PCDHA1: variants seen among roughly 807,000 people sequenced by gnomAD.
PCDHA1 encodes protocadherin alpha-1.
Under a neutral mutation model 61.3 loss-of-function variants are expected in PCDHA1, and 42 were observed. That is an observed-to-expected ratio of 0.69 (90% CI 0.54 to 0.89). PCDHA1 has a LOEUF of 0.89. PCDHA1 is among the 40% of genes least tolerant of loss of function. The pLI is 0.00. For missense variants in PCDHA1, 1,256 were observed against 1,235.3 expected, an observed-to-expected ratio of 1.02 and a Z score of -0.25; for synonymous variants, 610 against 553.8, an observed-to-expected ratio of 1.10 and a Z score of -1.43.
intron 1 of PCDHA1, among the ~76,000 whole-genome samples, chr5:140,846,033 A>T (rs1301242129): frequency 6.7e-6 from 1 of 149,692 alleles, no homozygotes; most frequent in East Asian, 1.9e-4. Flanking sequence ...GAGTTTAGGA[A>T]AGTCAAGTTA....
intron 3 of PCDHA1, 167 bp from the exon 4 acceptor site, chr5:141,009,460 T>C (rs1375350735): frequency 3.2e-6 from 3 of 950,276 alleles, no homozygotes; most frequent in African/African-American, 1.8e-5. Flanking sequence ...ATTAAACAAA[T>C]AAATAAATAA....
rs377328620 is a variant in PCDHA1 at position 140,928,577 on chromosome 5, A to G, written c.2395-50372A>G. On this transcript the variant is annotated intron_variant, in intron 1 of 3. Coordinates refer to ENST00000504120, the MANE Select transcript of PCDHA1 (RefSeq NM_018900.4). ...GTTATCTTGTTTCCCTTGCCCAGAA[A>G]TGGTTCTGTCCCAGTGGAAATTGTG... is the stretch of plus-strand genomic sequence containing the variant. The G allele has an allele frequency of 3.7e-6, 6 of 1,614,070 alleles. No homozygotes were observed. The African/African-American group carries it at 6.7e-5, about 18-fold the overall frequency.
chr5:140,916,559 G>C (rs1170876334), intron 1 of PCDHA1, among the ~76,000 whole-genome samples: 2 of 152,224 alleles, frequency 1.3e-5, no homozygotes, highest in African/African-American at 4.8e-5. Flanking sequence ...TATTTGTCCA[G>C]GGTGTGTCTA....
At chr5:140,934,171 A>C (rs965826085) in intron 1 of PCDHA1, among the ~76,000 whole-genome samples, 11 of 152,160 alleles carry the variant, frequency 7.2e-5, no homozygotes, top group African/African-American at 2.7e-4. Context: ...GTGCAACAGA[A>C]GTACTCTAAA....
chr5:140,808,479 G>A (rs782290463), intron 1 of PCDHA1: 5 of 1,614,186 alleles, frequency 3.1e-6, no homozygotes, highest in Non-Finnish European at 4.2e-6. Flanking sequence ...CGAGACGGGG[G>A]CTCGCCTTCG....
intron 1 of PCDHA1, chr5:140,836,159 G>A (rs2150254425): frequency 6.2e-7 from 1 of 1,613,838 alleles, no homozygotes. Context: ...ATGTGGTGGC[G>A]AAGGTACGTG....
rs148640226 is a variant in PCDHA1, at chr5:140,809,438, T to A, written c.2394+20754T>A. On this transcript the variant is annotated intron_variant, in intron 1 of 3. Transcript: ENST00000504120. ...CAGTGCGGTGGGGAGCTGGTCATAC[T>A]CGCAGCAGAGGAGGCCGAGGGTGTG... is the stretch of plus-strand genomic sequence containing the variant. 258 of 1,614,176 alleles carry A rather than the reference T, an allele frequency of 1.6e-4. 1 individual carries two copies. The African/African-American group carries it at 2.8e-3, about 17-fold the overall frequency.
In PCDHA1 at chr5:140,786,726, A is replaced by G. The variant is rs781847150; in HGVS notation, c.436A>G (p.Arg146Gly). ...REQIIFIPES[R>G]LLNSRFPIEG... Reference sequence around the variant, plus strand: ...ACAAATAATATTTATTCCTGAATCTAGACTCCTGAATTCGCGTTTTCCGAT... The same window carrying G: ...ACAAATAATATTTATTCCTGAATCTGGACTCCTGAATTCGCGTTTTCCGAT... Residue 146 changes from arginine to glycine, a missense_variant, in exon 1 of 4, where the codon AGA becomes GGA. Transcript: ENST00000504120. The G allele has an allele frequency of 1.2e-6, 2 of 1,614,230 alleles. No homozygotes were observed. The highest frequency in any genetic ancestry group is 1.1e-5 in the South Asian group (1 of 91,088).
At chr5:140,819,221 T>C (rs2150103384) in intron 1 of PCDHA1, among the ~76,000 whole-genome samples, 1 of 152,322 alleles carries the variant, frequency 6.6e-6, no homozygotes, top group East Asian at 1.9e-4. Context: ...ATACAATTGC[T>C]TCAACATTTC....
chr5:140,972,820 C>T (rs1247488574), intron 1 of PCDHA1, among the ~76,000 whole-genome samples: 1 of 151,962 alleles, frequency 6.6e-6, no homozygotes, highest in Non-Finnish European at 1.5e-5. Context: ...CGCGCCACCA[C>T]GCCTGGCTAA....
Position 140,788,670 on chromosome 5 carries a change from G to T in PCDHA1, c.2380G>T (p.Asp794Tyr), listed in dbSNP as rs1332112190. Residue 794 changes from aspartate to tyrosine, a missense_variant, in exon 1 of 4, where the codon GAT becomes TAT. Transcript: ENST00000504120. ...AAATGAACAACCAGAAGCAAATTTG[G>T]ATCTTTCTGGTAATGTAAGTCCAAC... ...ERNEQPEANL[D>Y]LSGNPRQPNP... 1.3e-6 allele frequency: 2 copies of T among 1,566,214 alleles called. No homozygotes were observed. Among genetic ancestry groups the T allele is most frequent in the East Asian group, 4.5e-5 (2 of 44,246 alleles).
chr5:140,829,141 A>T, intron 1 of PCDHA1: 1 of 1,613,462 alleles, frequency 6.2e-7, no homozygotes, highest in Non-Finnish European at 8.5e-7. Context: ...TCCCTGAGAT[A>T]GCACTGACTT....
At chr5:140,803,324 T>G in intron 1 of PCDHA1, 1 of 1,614,132 alleles carries the variant, frequency 6.2e-7, no homozygotes, top group East Asian at 2.2e-5. Context: ...CGGTGTCCAG[T>G]CTGTTGGTGC....
intron 1 of PCDHA1, among the ~76,000 whole-genome samples, chr5:140,913,431 C>G (rs1554195920): frequency 6.6e-6 from 1 of 152,036 alleles, no homozygotes; most frequent in African/African-American, 2.4e-5. Flanking sequence ...AGTTGTAATG[C>G]CTCCTTTTTC....
chr5:140,955,571 G>A (rs1371078633), intron 1 of PCDHA1, among the ~76,000 whole-genome samples: 2 of 152,158 alleles, frequency 1.3e-5, no homozygotes, highest in Non-Finnish European at 2.9e-5. Flanking sequence ...ACTGAACTGT[G>A]AGTCAATTAA....
rs955565578 is a variant in PCDHA1, at chr5:141,012,291, T to C, written c.*2354T>C. 6 of 153,804 alleles carry C rather than the reference T, an allele frequency of 3.9e-5. No homozygotes were observed. The highest frequency in any genetic ancestry group is 9.6e-5 in the African/African-American group (4 of 41,478). The allele number at this position is 153,804 out of a possible 1,614,324, so 9.5% of individuals were successfully genotyped here. A position where few individuals can be genotyped will look rare whatever the true frequency, so the allele number is the denominator to read the frequency against. On this transcript the variant is annotated 3_prime_UTR_variant, in exon 4 of 4. Coordinates refer to ENST00000504120, the MANE Select transcript of PCDHA1 (RefSeq NM_018900.4). ...ACACGTCATGTGGATTCATTTTGAA[T>C]TGGTGCTATTGGTATTTCCTCTGTT...
chr5:141,007,517 G>A (rs2098333696), intron 3 of PCDHA1, among the ~76,000 whole-genome samples: 1 of 151,984 alleles, frequency 6.6e-6, no homozygotes, highest in African/African-American at 2.4e-5. Flanking sequence ...GCAGTGAGCT[G>A]ATATCTCGCC....
At chr5:140,879,190 C>T (rs2057894732) in intron 1 of PCDHA1, among the ~76,000 whole-genome samples, 1 of 152,052 alleles carries the variant, frequency 6.6e-6, no homozygotes. Context: ...GTAATGGAGA[C>T]TTAAATTATG....
intron 1 of PCDHA1, among the ~76,000 whole-genome samples, chr5:140,907,751 A>T (rs1443394789): frequency 1.3e-5 from 2 of 152,134 alleles, no homozygotes; most frequent in African/African-American, 4.8e-5. Context: ...CACTTTGTTC[A>T]TGGGCCCATT....
Sources: gnomAD v4.1 joint callset for allele counts (sites outside exome capture counted in the v4.1 genomes callset) on GRCh38, gnomAD v4.1.1 for gene constraint, MANE v1.5 for transcripts, NCBI Gene and HGNC (gene_info 2026-07-23, HGNC 2026-07-21) for gene names.